ADARB1: variants seen among roughly 807,000 people sequenced by gnomAD.
ADARB1 encodes the protein adenosine deaminase RNA specific B1, also known as double-stranded RNA-specific editase 1.
Under a neutral mutation model 52.4 loss-of-function variants are expected in ADARB1, and 10 were observed. The observed-to-expected ratio is 0.19, with a 90% confidence interval of 0.12 to 0.32. ADARB1 has a LOEUF of 0.32. Among genes scored for constraint, ADARB1 ranks in the 10% least tolerant of loss-of-function variants. The probability of loss-of-function intolerance (pLI) is 1.00; values close to 1 mark genes in which losing one functional copy is unlikely to be tolerated. For synonymous variants in ADARB1, 349 were observed against 371.1 expected (o/e 0.94, Z 0.68); for missense variants, 643 against 922.3 (o/e 0.70, Z 3.92).
At chr21:45,206,921 C>T (rs2092679118) in intron 9 of ADARB1, among the ~76,000 whole-genome samples, 1 of 152,180 alleles carries the variant, frequency 6.6e-6, no homozygotes, top group African/African-American at 2.4e-5. Flanking sequence ...CCAAACCCCT[C>T]CCCTGGTCCC....
At position 45,176,662 on chromosome 21, in the gene ADARB1, C is replaced by A; in HGVS notation, c.961C>A (p.Gln321Lys). Reference sequence around the variant, plus strand: ...TGAGGGTCTTCAGCTGCATTTACCGCAGGTGAGGAACTATGCTGCTGCTTT... The same window carrying A: ...TGAGGGTCTTCAGCTGCATTTACCGAAGGTGAGGAACTATGCTGCTGCTTT... ...PSEGLQLHLP[Q>K]VLADAVSRLV... is the part of the protein sequence containing the mutation. The change falls in exon 4 of 11, where the codon CAG (glutamine) becomes AAG (lysine). Residue 321 changes from glutamine to lysine, a missense_variant and splice_region_variant. By Grantham distance (53) the Gln-to-Lys change is moderately conservative (BLOSUM62 1). Around this residue, in one of 2 missense-constraint regions of ADARB1, gnomAD observed 380 missense variants for 446.5 expected, o/e 0.85. Transcript: ENST00000348831. This position sits in a 1 kb window ranked among gnomAD's most constrained non-coding sequence, Gnocchi z 5.8. 1.2e-6 allele frequency: 2 copies of A among 1,604,406 alleles called. No homozygotes were observed. Among genetic ancestry groups the A allele is most frequent in the Middle Eastern group, 1.7e-4 (1 of 6,000 alleles).
chr21:45,090,887 T>C (rs1035565542), intron 1 of ADARB1, among the ~76,000 whole-genome samples: 5 of 152,014 alleles, frequency 3.3e-5, no homozygotes, highest in African/African-American at 1.2e-4. Context: ...AAATGCAGGG[T>C]TTGTAATGAT....
rs1050498799 is a variant in ADARB1, at chr21:45,148,312, G to A, written c.-48+19739G>A. Reference sequence around the variant, plus strand: ...GGTGGAGTCACAGCTACCAGTGGCTGATTGCCCGTGGGTGTCAGGCTGGCC... The same window carrying A: ...GGTGGAGTCACAGCTACCAGTGGCTAATTGCCCGTGGGTGTCAGGCTGGCC... On this transcript the variant is annotated intron_variant, in intron 2 of 10. Transcript: ENST00000348831. Among the ~76,000 whole-genome samples, 9 of 152,358 alleles carry A rather than the reference G, an allele frequency of 5.9e-5. No individual in the cohort carries two copies. The East Asian group carries it at 7.7e-4, about 13-fold the overall frequency.
At chr21:45,153,504 A>G (rs1373798248) in intron 2 of ADARB1, among the ~76,000 whole-genome samples, 1 of 152,160 alleles carries the variant, frequency 6.6e-6, no homozygotes, top group Admixed American at 6.5e-5. Flanking sequence ...GGACTGGAGT[A>G]CAGCGCTTCA....
At position 45,113,672 on chromosome 21, in the gene ADARB1, C is replaced by T. The variant is rs543380381; in HGVS notation, c.-219-14730C>T. Among the ~76,000 whole-genome samples, 7 of 152,108 alleles carry T rather than the reference C, an allele frequency of 4.6e-5. No homozygotes were observed. The South Asian group carries it at 6.2e-4, about 14-fold the overall frequency. On this transcript the variant is annotated intron_variant, in intron 1 of 10. Coordinates refer to ENST00000348831, the MANE Select transcript of ADARB1 (RefSeq NM_001112.4). The stretch of plus-strand genomic sequence containing the variant: ...AGCTGCCCTGAGAGTTGGACCTGGC[C>T]GAGCTCTCTGATACTTGAGCAGCCC...
At chr21:45,188,452 T>G (rs901905576) in intron 8 of ADARB1, among the ~76,000 whole-genome samples, 42 of 152,208 alleles carry the variant, frequency 2.8e-4, no homozygotes, top group African/African-American at 9.9e-4. Flanking sequence ...GACCCAATAT[T>G]CTTATCCATT....
intron 2 of ADARB1, among the ~76,000 whole-genome samples, chr21:45,130,633 C>T (rs1452522778): frequency 2.6e-5 from 4 of 152,106 alleles, no homozygotes; most frequent in African/African-American, 9.7e-5. Flanking sequence ...TCTTTGGAAG[C>T]ACGGCCGTCC....
intron 4 of ADARB1, among the ~76,000 whole-genome samples, chr21:45,179,697 G>A (rs898397694): frequency 7.2e-5 from 11 of 152,048 alleles, no homozygotes; most frequent in African/African-American, 2.4e-4. Context: ...CCGTCTGGGC[G>A]AGTGAGCGGA....
At chr21:45,100,968 C>T (rs989411663) in intron 1 of ADARB1, 1 of 152,650 alleles carries the variant, frequency 6.6e-6, no homozygotes, top group African/African-American at 2.4e-5. Flanking sequence ...GCGGTGGTCT[C>T]GGGCTCTGAG....
At chr21:45,125,236 G>A (rs1569036135) in intron 1 of ADARB1, among the ~76,000 whole-genome samples, 1 of 152,210 alleles carries the variant, frequency 6.6e-6, no homozygotes, top group South Asian at 2.1e-4. Context: ...TTCTCTTGCC[G>A]CCTGATGACC....
chr21:45,117,962 C>G (rs574347434), intron 1 of ADARB1, among the ~76,000 whole-genome samples: 1 of 152,350 alleles, frequency 6.6e-6, no homozygotes, highest in South Asian at 2.1e-4. Flanking sequence ...AGTGCCTTCA[C>G]ACTCTGAGTT....
chr21:45,176,363 C>A lies in ADARB1; in HGVS notation c.662C>A (p.Pro221His). 6.2e-7 allele frequency: 1 copy of A among 1,614,208 alleles called. No homozygotes were observed. Among genetic ancestry groups the A allele is most frequent in the Non-Finnish European group, 8.5e-7 (1 of 1,180,030 alleles). ...SPVPASLAQP[P>H]LPVLPPFPPP... ...GTGCCTGCCAGCCTAGCCCAGCCTC[C>A]TCTCCCTGTCTTACCACCATTCCCA... Residue 221 changes from proline to histidine, a missense_variant, in exon 4 of 11, where the codon CCT becomes CAT. Pro to His is a moderately conservative substitution (Grantham distance 77). This residue lies in a region of ADARB1 where 380 missense variants were observed against 446.5 expected (regional missense o/e 0.85). Coordinates refer to ENST00000348831, the MANE Select transcript of ADARB1 (RefSeq NM_001112.4). The surrounding 1 kb of genome is among the most constrained non-coding windows in gnomAD (Gnocchi z 5.8).
At chr21:45,165,603 A>G (rs17004746) in intron 2 of ADARB1, among the ~76,000 whole-genome samples, 1,548 of 152,336 alleles carry the variant, frequency 0.01, 19 homozygotes, top group African/African-American at 0.035. Context: ...TGAAAGCAAA[A>G]TATAAATTAT....
At chr21:45,202,882 G>A (rs926242671) in intron 8 of ADARB1, among the ~76,000 whole-genome samples, 2 of 148,300 alleles carry the variant, frequency 1.3e-5, no homozygotes, top group Non-Finnish European at 3.0e-5. Flanking sequence ...TGTGCTGAGC[G>A]TCTTCCCCTG....
chr21:45,215,162 C>G (rs2092837214), intron 9 of ADARB1, among the ~76,000 whole-genome samples: 1 of 152,172 alleles, frequency 6.6e-6, no homozygotes, highest in Non-Finnish European at 1.5e-5. Context: ...ATCCTCCTGT[C>G]TCAGCCTCCT....
rs139863292 is a variant in ADARB1, at chr21:45,095,146, A to G, written c.-220+20353A>G. Among the ~76,000 whole-genome samples, 398 of 152,340 alleles carry G rather than the reference A, an allele frequency of 2.6e-3. 4 individuals are homozygous for G. Among genetic ancestry groups the G allele is most frequent in the Non-Finnish European group, 3.9e-3 (262 of 68,026 alleles). Reference sequence around the variant, plus strand: ...TCAACAGGACTGTACAGAACTAGCCAACCTCTTGGATTCCGTGGGCAGTGC... The same window carrying G: ...TCAACAGGACTGTACAGAACTAGCCGACCTCTTGGATTCCGTGGGCAGTGC... On this transcript the variant is annotated intron_variant, in intron 1 of 10. Coordinates refer to ENST00000348831, the MANE Select transcript of ADARB1 (RefSeq NM_001112.4).
intron 1 of ADARB1, among the ~76,000 whole-genome samples, chr21:45,078,951 A>G (rs2086050856): frequency 6.6e-6 from 1 of 152,190 alleles, no homozygotes; most frequent in Non-Finnish European, 1.5e-5. Flanking sequence ...CAGAGTGGTT[A>G]AGTGATTTAC....
chr21:45,137,657 G>A (rs543672857), intron 2 of ADARB1, among the ~76,000 whole-genome samples: 1 of 152,344 alleles, frequency 6.6e-6, no homozygotes, highest in South Asian at 2.1e-4. Flanking sequence ...GGCTCTGAGG[G>A]TTCAGATACA....
At chr21:45,180,524 A>G in intron 5 of ADARB1, 80 bp downstream of exon 5, 2 of 1,138,462 alleles carry the variant, frequency 1.8e-6, no homozygotes, top group South Asian at 2.6e-5. Flanking sequence ...GACAAAAACC[A>G]CTGTGCCACA....
Sources: allele counts gnomAD v4.1 joint callset (sites outside exome capture counted in the v4.1 genomes callset), GRCh38; gene constraint gnomAD v4.1.1; regional missense constraint gnomAD v4.1.1; non-coding constraint Gnocchi (gnomAD v3.1); transcripts MANE v1.5; gene names NCBI Gene and HGNC (gene_info 2026-07-23, HGNC 2026-07-21).